Variants in CPA6 observed in about 807,000 individuals in gnomAD.
CPA6 encodes the protein carboxypeptidase B.
In CPA6, 58 loss-of-function variants were observed where a neutral mutation model predicts 63.3. That is an observed-to-expected ratio of 0.92 (90% CI 0.74 to 1.14). The LOEUF is 1.14. Ranked by LOEUF, CPA6 falls within the 50% of genes most tolerant of loss-of-function variation. CPA6 has a pLI of 0.00. For missense variants in CPA6, 565 were observed against 526.6 expected, an observed-to-expected ratio of 1.07 and a Z score of -0.71; for synonymous variants, 185 against 179.0, an observed-to-expected ratio of 1.03 and a Z score of -0.27.
chr8:67,547,289 G>T (rs113223175), intron 2 of CPA6, among the ~76,000 whole-genome samples: 12,196 of 152,130 alleles, frequency 0.08, 1,348 homozygotes, highest in African/African-American at 0.25. Flanking sequence ...CTGGTGATCC[G>T]CCCGCCTCGG....
chr8:67,686,646 A>G (rs966138892), intron 1 of CPA6, among the ~76,000 whole-genome samples: 4 of 152,228 alleles, frequency 2.6e-5, no homozygotes, highest in Non-Finnish European at 4.4e-5. Flanking sequence ...ACATTATTCA[A>G]TTTTTGTGTT....
At chr8:67,519,516 C>T (rs574163886) in intron 2 of CPA6, among the ~76,000 whole-genome samples, 1 of 152,328 alleles carries the variant, frequency 6.6e-6, no homozygotes, top group Non-Finnish European at 1.5e-5. Flanking sequence ...TACTTTGTGA[C>T]TCAGGAAAAT....
chr8:67,645,278 G>C (rs953237861), intron 1 of CPA6, among the ~76,000 whole-genome samples: 1 of 152,160 alleles, frequency 6.6e-6, no homozygotes, highest in African/African-American at 2.4e-5. Flanking sequence ...AATGGGACTT[G>C]ATAATTTATA....
In CPA6 at chr8:67,422,527, G is replaced by T; in HGVS notation, c.1291C>A (p.His431Asn). 2 of 1,614,054 alleles carry T rather than the reference G, an allele frequency of 1.2e-6. No individual in the cohort carries two copies. The highest frequency in any genetic ancestry group is 8.5e-7 in the Non-Finnish European group (1 of 1,179,962). The change falls in exon 11 of 11, where the codon CAC becomes AAC. Residue 431 changes from histidine (H) to asparagine (N), a missense_variant. Coordinates refer to ENST00000297770, the MANE Select transcript of CPA6 (RefSeq NM_020361.5). ...TCTCAGGGACATTTCTTTAGCAGGT[G>T]CATTGTGATATTTTTCACAGCCAGC... ...TMLAVKNITMHLLKKCP is the reference protein window; with the variant it reads ...TMLAVKNITMNLLKKCP
At chr8:67,651,989 G>T (rs1035894228) in intron 1 of CPA6, among the ~76,000 whole-genome samples, 1 of 151,788 alleles carries the variant, frequency 6.6e-6, no homozygotes, top group African/African-American at 2.4e-5. Context: ...GAGAACATGC[G>T]GTGTTTGTTT....
At chr8:67,728,786 C>G (rs545836913) in intron 1 of CPA6, among the ~76,000 whole-genome samples, 24 of 152,124 alleles carry the variant, frequency 1.6e-4, no homozygotes, top group Non-Finnish European at 3.2e-4. Flanking sequence ...TAATTCCTTC[C>G]AATTATCACA....
At chr8:67,524,875 C>T (rs995737760) in intron 2 of CPA6, among the ~76,000 whole-genome samples, 5 of 152,108 alleles carry the variant, frequency 3.3e-5, no homozygotes, top group African/African-American at 7.2e-5. Context: ...TGAATTTTGT[C>T]CACTCATCCC....
Position 67,643,751 on chromosome 8 carries a change from T to A in CPA6, c.117-19500A>T, listed in dbSNP as rs115045694. On this transcript the variant is annotated intron_variant, in intron 1 of 10. Transcript: ENST00000297770. ...TTGTTAAAACTTGCATATATATTCATATGTACTTATTTACATATGAAATTT... is the reference window on the plus strand; with the variant it reads ...TTGTTAAAACTTGCATATATATTCAAATGTACTTATTTACATATGAAATTT... 3.6e-3 allele frequency among the ~76,000 whole-genome samples: 550 copies of A among 152,320 alleles called. 3 individuals are homozygous for A. Among genetic ancestry groups the A allele is most frequent in the African/African-American group, 0.012 (507 of 41,562 alleles).
intron 8 of CPA6, among the ~76,000 whole-genome samples, chr8:67,467,110 C>T (rs1422459389): frequency 6.6e-6 from 1 of 152,188 alleles, no homozygotes; most frequent in Non-Finnish European, 1.5e-5. Flanking sequence ...ACTCTTCTCA[C>T]TATAAATGAC....
chr8:67,591,710 G>T (rs200488599), intron 2 of CPA6, among the ~76,000 whole-genome samples: 63 of 152,118 alleles, frequency 4.1e-4, no homozygotes, highest in African/African-American at 8.2e-4. Flanking sequence ...TGTATAAGAA[G>T]GCTTGTGATT....
chr8:67,484,881 A>C (rs1811444537), intron 6 of CPA6, 92 bp from the exon 7 acceptor site: 3 of 629,578 alleles, frequency 4.8e-6, no homozygotes, highest in African/African-American at 3.8e-5. Context: ...GAGAACTACC[A>C]AATACGGTGG....
chr8:67,425,023 A>T (rs1297333730), intron 10 of CPA6, among the ~76,000 whole-genome samples: 1 of 152,204 alleles, frequency 6.6e-6, no homozygotes, highest in African/African-American at 2.4e-5. Flanking sequence ...CCCTTTTTGA[A>T]AAAGAGACTG....
intron 1 of CPA6, among the ~76,000 whole-genome samples, chr8:67,634,598 T>G (rs1041283572): frequency 6.6e-6 from 1 of 151,632 alleles, no homozygotes; most frequent in Non-Finnish European, 1.5e-5. Context: ...CCACTTGATG[T>G]GTGCCCTTGG....
At chr8:67,728,969 T>C (rs1408650926) in intron 1 of CPA6, among the ~76,000 whole-genome samples, 1 of 152,106 alleles carries the variant, frequency 6.6e-6, no homozygotes, top group Non-Finnish European at 1.5e-5. Flanking sequence ...TCTTGGACAT[T>C]ATAGAAAGCA....
chr8:67,707,278 T>C (rs956946291), intron 1 of CPA6, among the ~76,000 whole-genome samples: 1 of 152,208 alleles, frequency 6.6e-6, no homozygotes, highest in Non-Finnish European at 1.5e-5. Flanking sequence ...GAACAGGAGT[T>C]AACCGCATGG....
chr8:67,474,891 GGATT>G (rs1811140258), intron 8 of CPA6, among the ~76,000 whole-genome samples: 1 of 152,142 alleles, frequency 6.6e-6, no homozygotes, highest in Admixed American at 6.5e-5. Context: ...TGAGGTGGAA[GGATT>G]GATTGAACCG....
intron 1 of CPA6, among the ~76,000 whole-genome samples, chr8:67,667,373 G>A (rs960587911): frequency 1.3e-5 from 2 of 152,044 alleles, no homozygotes; most frequent in Non-Finnish European, 2.9e-5. Context: ...CCAAGAGCAG[G>A]CTGAGCAGGC....
Position 67,545,037 on chromosome 8 carries a change from AT to A in CPA6, c.193-26991del, listed in dbSNP as rs1409565653. Reference sequence around the variant, plus strand: ...CCTGTATACTTAAATTCCATTTTATATTTTTAGAAAGAAATTTTAATTTAAT... The same window carrying A: ...CCTGTATACTTAAATTCCATTTTATATTTTAGAAAGAAATTTTAATTTAAT... On this transcript the variant is annotated intron_variant, in intron 2 of 10. Coordinates refer to ENST00000297770, the MANE Select transcript of CPA6 (RefSeq NM_020361.5). 5.9e-5 allele frequency among the ~76,000 whole-genome samples: 9 copies of A among 152,290 alleles called. No homozygotes were observed. The East Asian group carries it at 1.7e-3, about 29-fold the overall frequency.
At chr8:67,505,501 G>A (rs1587501379) in intron 6 of CPA6, among the ~76,000 whole-genome samples, 1 of 152,106 alleles carries the variant, frequency 6.6e-6, no homozygotes, top group South Asian at 2.1e-4. Flanking sequence ...CAGATGTTCT[G>A]TACTTAACTA....
Sources: gnomAD v4.1 joint callset for allele counts (sites outside exome capture counted in the v4.1 genomes callset) on GRCh38, gnomAD v4.1.1 for gene constraint, MANE v1.5 for transcripts, NCBI Gene and HGNC (gene_info 2026-07-23, HGNC 2026-07-21) for gene names.